The following ARHGAP35 variants were observed in gnomAD, a reference collection of about 807,000 sequenced individuals.
ARHGAP35 encodes rho GTPase-activating protein 35.
In ARHGAP35, 15 loss-of-function variants were observed where a neutral mutation model predicts 111.1. The observed-to-expected ratio is 0.13, with a 90% CI of 0.09 to 0.21. ARHGAP35 has a LOEUF of 0.21. Among genes scored for constraint, ARHGAP35 ranks in the 10% least tolerant of loss-of-function variants. The pLI is 1.00. For synonymous variants in ARHGAP35, 643 were observed against 710.3 expected (o/e 0.91, Z 1.51); for missense variants, 1,262 against 1,873.0 (o/e 0.67, Z 6.02).
chr19:46,883,715 A>C (rs549924228), intron 1 of ARHGAP35, among the ~76,000 whole-genome samples: 1 of 152,306 alleles, frequency 6.6e-6, no homozygotes, highest in Non-Finnish European at 1.5e-5. Context: ...AGTTAAAAAA[A>C]CACATGCACA....
Position 47,001,423 on chromosome 19 carries a change from C to T in ARHGAP35, c.*735C>T. The T allele has an allele frequency of 1.6e-6, 2 of 1,278,798 alleles. No individual in the cohort carries two copies. The highest frequency in any genetic ancestry group is 2.0e-6 in the Non-Finnish European group (2 of 979,254). The allele number at this position is 1,278,798 out of a possible 1,614,324, so 79.2% of individuals were successfully genotyped here. On this transcript the variant is annotated 3_prime_UTR_variant, in exon 7 of 7. Transcript: ENST00000672722. The surrounding 1 kb of genome is among the most constrained non-coding windows in gnomAD (Gnocchi z 5.4). ...CCAGTAATTAAAAAGGAAGAAACCACAGAAAGAAAACTACAGACCTCAAGA... is the reference window on the plus strand; with the variant it reads ...CCAGTAATTAAAAAGGAAGAAACCATAGAAAGAAAACTACAGACCTCAAGA...
chr19:46,960,552 T>C (rs561501731), intron 3 of ARHGAP35, among the ~76,000 whole-genome samples: 1 of 152,320 alleles, frequency 6.6e-6, no homozygotes, highest in Non-Finnish European at 1.5e-5. Flanking sequence ...TTACTGTTTA[T>C]TCCACGTATT....
intron 1 of ARHGAP35, among the ~76,000 whole-genome samples, chr19:46,914,895 A>G (rs2056155678): frequency 6.6e-6 from 1 of 152,206 alleles, no homozygotes; most frequent in South Asian, 2.1e-4. Flanking sequence ...ATGACTTGCC[A>G]ATTGCATGCA....
chr19:46,983,448 C>A (rs2056631888), intron 3 of ARHGAP35, among the ~76,000 whole-genome samples: 1 of 152,090 alleles, frequency 6.6e-6, no homozygotes, highest in South Asian at 2.1e-4. Flanking sequence ...TATTAGCTAG[C>A]TTCCTAGACC....
chr19:46,979,416 C>CA (rs372911167), intron 3 of ARHGAP35, among the ~76,000 whole-genome samples: 59 of 152,296 alleles, frequency 3.9e-4, no homozygotes, highest in African/African-American at 1.3e-3. Flanking sequence ...CCAGAATGGG[C>CA]AGGGTGTCAG....
chr19:46,913,267 G>A (rs1332908114), intron 1 of ARHGAP35, among the ~76,000 whole-genome samples: 1 of 150,590 alleles, frequency 6.6e-6, no homozygotes, highest in African/African-American at 2.5e-5. Flanking sequence ...TGTTGGAAGA[G>A]TGATACACAC....
intron 2 of ARHGAP35, among the ~76,000 whole-genome samples, chr19:46,931,340 TTACC>T (rs1267420961): frequency 6.6e-6 from 1 of 152,208 alleles, no homozygotes; most frequent in Non-Finnish European, 1.5e-5. Flanking sequence ...CTTTTGGCTC[TTACC>T]TATCCCCTGG....
At chr19:46,935,812 A>G (rs2056304260) in intron 2 of ARHGAP35, among the ~76,000 whole-genome samples, 1 of 152,236 alleles carries the variant, frequency 6.6e-6, no homozygotes, top group Non-Finnish European at 1.5e-5. Context: ...CTTTGGCTTT[A>G]GGAAATTTAT....
At chr19:46,931,324 GCC>G (rs1266718871) in intron 2 of ARHGAP35, among the ~76,000 whole-genome samples, 1 of 152,184 alleles carries the variant, frequency 6.6e-6, no homozygotes, top group Non-Finnish European at 1.5e-5. Flanking sequence ...CTGATAGAAG[GCC>G]CTTCTTTTGG....
chr19:46,865,273 C>T (rs954062473), intron 1 of ARHGAP35, among the ~76,000 whole-genome samples: 2 of 152,156 alleles, frequency 1.3e-5, no homozygotes, highest in East Asian at 3.8e-4. Flanking sequence ...AGGGCTCTTG[C>T]CCTGCCTAGA....
chr19:46,939,178 T>C (rs62136799), intron 3 of ARHGAP35, among the ~76,000 whole-genome samples: 63 of 152,064 alleles, frequency 4.1e-4, no homozygotes, highest in South Asian at 1.2e-3. Context: ...GTCTCACTTA[T>C]TGCCCAGGCT....
In ARHGAP35 at chr19:46,986,850, CAG is replaced by C. The variant is rs1365344218; in HGVS notation, c.3827-1136_3827-1135del. Among the ~76,000 whole-genome samples, 2 of 152,164 alleles carry C rather than the reference CAG, an allele frequency of 1.3e-5. No homozygotes were observed. The highest frequency in any genetic ancestry group is 2.9e-5 in the Non-Finnish European group (2 of 68,034). On this transcript the variant is annotated intron_variant, in intron 3 of 6. Transcript: ENST00000672722. This position sits in a 1 kb window ranked among gnomAD's most constrained non-coding sequence, Gnocchi z 4.3. ...ATTTATTTATTTATTTATTTTCAGA[CAG>C]AGTTTTGCTCTTGTTGCCCAGGCTG...
At chr19:46,978,636 G>A (rs568941064) in intron 3 of ARHGAP35, among the ~76,000 whole-genome samples, 26 of 142,038 alleles carry the variant, frequency 1.8e-4, no homozygotes, top group Non-Finnish European at 3.7e-4. Context: ...CTGTGTGTGC[G>A]GTGGGGTATG....
intron 3 of ARHGAP35, among the ~76,000 whole-genome samples, chr19:46,970,072 T>G (rs1343396138): frequency 2.0e-5 from 3 of 152,192 alleles, no homozygotes; most frequent in African/African-American, 4.8e-5. Flanking sequence ...ATTGAAGGAA[T>G]TAGTGAATTT....
At chr19:46,968,683 A>T (rs926548175) in intron 3 of ARHGAP35, among the ~76,000 whole-genome samples, 1 of 152,232 alleles carries the variant, frequency 6.6e-6, no homozygotes, top group Admixed American at 6.5e-5. Flanking sequence ...CAGATGGATG[A>T]ACCTTGAAAA....
intron 3 of ARHGAP35, among the ~76,000 whole-genome samples, chr19:46,971,970 A>C (rs1043096524): frequency 2.0e-5 from 3 of 152,242 alleles, no homozygotes; most frequent in Middle Eastern, 3.4e-3. Context: ...GTCCAAAAAA[A>C]CCCACCAAGC....
chr19:46,895,879 G>T (rs1271431718), intron 1 of ARHGAP35, among the ~76,000 whole-genome samples: 18 of 152,046 alleles, frequency 1.2e-4, no homozygotes, highest in African/African-American at 3.6e-4. Context: ...GAGGCAGGCG[G>T]ATCTCCTGAG....
At chr19:46,911,842 G>A (rs2056139082) in intron 1 of ARHGAP35, among the ~76,000 whole-genome samples, 1 of 152,122 alleles carries the variant, frequency 6.6e-6, no homozygotes, top group Non-Finnish European at 1.5e-5. Context: ...TTTTACAGAT[G>A]AATGAATTGG....
intron 3 of ARHGAP35, among the ~76,000 whole-genome samples, chr19:46,970,435 C>T (rs546125305): frequency 1.1e-3 from 166 of 152,294 alleles, no homozygotes; most frequent in African/African-American, 3.5e-3. Flanking sequence ...ATGTTCCTTA[C>T]GTAGGGGTGC....
Sources: gnomAD v4.1 joint callset for allele counts (sites outside exome capture counted in the v4.1 genomes callset) on GRCh38, gnomAD v4.1.1 for gene constraint, Gnocchi (gnomAD v3.1) non-coding constraint, MANE v1.5 for transcripts, NCBI Gene and HGNC (gene_info 2026-07-23, HGNC 2026-07-21) for gene names.